Variants in NFIA observed in about 807,000 individuals in gnomAD.
NFIA encodes nuclear factor 1 A-type.
Under a neutral mutation model 62.8 loss-of-function variants are expected in NFIA, and 8 were observed. The observed-to-expected ratio is 0.13, with a 90% CI of 0.07 to 0.23. NFIA has a LOEUF of 0.23. NFIA is among the 10% of genes least tolerant of loss of function. NFIA has a pLI of 1.00. For synonymous variants in NFIA, 235 were observed against 238.1 expected, an observed-to-expected ratio of 0.99 and a Z score of 0.12; for missense variants, 410 against 642.1, an observed-to-expected ratio of 0.64 and a Z score of 3.91.
At chr1:61,307,950 C>G (rs1659889654) in intron 3 of NFIA, among the ~76,000 whole-genome samples, 1 of 152,156 alleles carries the variant, frequency 6.6e-6, no homozygotes, top group Non-Finnish European at 1.5e-5. Context: ...AACTGCTCCC[C>G]AGAGGACTAA....
chr1:61,081,313 A>AC (rs978550262), upstream of NFIA, among the ~76,000 whole-genome samples: 5 of 151,112 alleles, frequency 3.3e-5, no homozygotes, highest in Non-Finnish European at 7.4e-5. Flanking sequence ...CCTAAAAACC[A>AC]CCCCCCTCTT....
chr1:61,400,921 A>G (rs1339804655), intron 7 of NFIA, among the ~76,000 whole-genome samples: 1 of 152,248 alleles, frequency 6.6e-6, no homozygotes, highest in Non-Finnish European at 1.5e-5. Flanking sequence ...GAAGAGAAAC[A>G]AAGTTAGGCA....
rs918691230 is a variant in NFIA, at chr1:61,459,189, A to T, written c.*3869A>T. The T allele has an allele frequency of 6.6e-6, 1 of 152,248 alleles. No homozygotes were observed. The highest frequency in any genetic ancestry group is 1.5e-5 in the Non-Finnish European group (1 of 68,078). 9.4% of individuals were successfully genotyped at this position (152,248 alleles called of 1,614,324 possible). ...AAGGCCCAGCCCTTGACTCTGAGAC[A>T]CATTTGAATTTTTTCTTTCCCATCA... On this transcript the variant is annotated 3_prime_UTR_variant, in exon 11 of 11. Coordinates refer to ENST00000403491, the MANE Select transcript of NFIA (RefSeq NM_001134673.4).
chr1:61,166,447 C>A (rs1378854945), intron 2 of NFIA, among the ~76,000 whole-genome samples: 1 of 152,138 alleles, frequency 6.6e-6, no homozygotes, highest in Non-Finnish European at 1.5e-5. Flanking sequence ...ATCAGAAGAT[C>A]CACCCACACT....
chr1:61,241,258 C>T (rs1008147843), intron 2 of NFIA, among the ~76,000 whole-genome samples: 2 of 152,060 alleles, frequency 1.3e-5, no homozygotes, highest in Admixed American at 1.3e-4. Flanking sequence ...CTTATACCTT[C>T]CACTTTCCTA....
At position 61,420,387 on chromosome 1, in the gene NFIA, TTAAATAGCATGACAGTGCAGTTAAAAG is replaced by T. The variant is rs1235183772; in HGVS notation, c.1421-6077_1421-6051del. The stretch of plus-strand genomic sequence containing the variant: ...TTTTCTCACAGGACCTTTTTTTTTT[TTAAATAGCATGACAGTGCAGTTAAAAG>T]ATTCGGGACATTATTTCAATGAGGT... On this transcript the variant is annotated intron_variant, in intron 9 of 10. Transcript: ENST00000403491. Among the ~76,000 whole-genome samples, 4 of 152,164 alleles carry T rather than the reference TTAAATAGCATGACAGTGCAGTTAAAAG, an allele frequency of 2.6e-5. No homozygotes were observed. In the South Asian group the frequency reaches 6.2e-4, roughly 24 times the overall value.
At chr1:61,152,376 A>G (rs1012643815) in intron 2 of NFIA, among the ~76,000 whole-genome samples, 15 of 152,152 alleles carry the variant, frequency 9.9e-5, no homozygotes, top group African/African-American at 3.6e-4. Flanking sequence ...TGCTTTTTCA[A>G]ACAGTGTACT....
At chr1:61,363,948 AT>A (rs35401343) in intron 6 of NFIA, among the ~76,000 whole-genome samples, 35 of 142,574 alleles carry the variant, frequency 2.5e-4, no homozygotes, top group Middle Eastern at 3.6e-3. Context: ...TGCATCTACT[AT>A]TTTTTTTTTT....
rs1301201321 is a variant in NFIA, at chr1:61,461,954, A to T, written c.*6634A>T. 1 of 143,876 alleles carries T rather than the reference A, an allele frequency of 7.0e-6. No individual in the cohort carries two copies. The highest frequency in any genetic ancestry group is 1.5e-5 in the Non-Finnish European group (1 of 65,778). 8.9% of individuals were successfully genotyped at this position (143,876 alleles called of 1,614,324 possible). The stretch of plus-strand genomic sequence containing the variant: ...GAAAAAAGCTTTTATTTTTCCTTTG[A>T]CTTATTTGTGTTGTTCTTATTTTTT... On this transcript the variant is annotated 3_prime_UTR_variant, in exon 11 of 11. Coordinates refer to ENST00000403491, the MANE Select transcript of NFIA (RefSeq NM_001134673.4).
At chr1:61,344,802 A>G (rs1662126326) in intron 4 of NFIA, among the ~76,000 whole-genome samples, 1 of 152,220 alleles carries the variant, frequency 6.6e-6, no homozygotes, top group Non-Finnish European at 1.5e-5. Context: ...GAAACTTAGC[A>G]CACTGTAATC....
intron 3 of NFIA, among the ~76,000 whole-genome samples, chr1:61,305,919 C>G (rs1260828392): frequency 2.0e-5 from 3 of 149,762 alleles, no homozygotes; most frequent in African/African-American, 7.4e-5. Context: ...GTGATCTTGG[C>G]TCAGTACAAG....
At chr1:61,450,796 C>G (rs1345676428) in intron 10 of NFIA, among the ~76,000 whole-genome samples, 1 of 152,176 alleles carries the variant, frequency 6.6e-6, no homozygotes, top group Non-Finnish European at 1.5e-5. Context: ...CCACTCTGCC[C>G]TCTGCCCCTG....
intron 10 of NFIA, among the ~76,000 whole-genome samples, chr1:61,447,287 A>G (rs1667853938): frequency 6.6e-6 from 1 of 152,174 alleles, no homozygotes; most frequent in Non-Finnish European, 1.5e-5. Context: ...CAGCTTTTTT[A>G]TGGCTAACTT....
chr1:61,213,611 A>G (rs332818), intron 2 of NFIA, among the ~76,000 whole-genome samples: 86,824 of 152,040 alleles, frequency 0.57, 27,584 homozygotes, highest in African/African-American at 0.85. Context: ...TCCCAGGATA[A>G]AATGCCCTTG....
chr1:61,346,749 C>T (rs994649801), intron 4 of NFIA, among the ~76,000 whole-genome samples: 11 of 152,106 alleles, frequency 7.2e-5, no homozygotes, highest in South Asian at 4.1e-4. Flanking sequence ...TGTGTTAGTC[C>T]GTTCTCATGC....
chr1:61,121,880 C>T (rs1646893073), intron 2 of NFIA, among the ~76,000 whole-genome samples: 1 of 152,086 alleles, frequency 6.6e-6, no homozygotes, highest in African/African-American at 2.4e-5. Context: ...GTCAGCTCAA[C>T]TTGTGTCATT....
intron 2 of NFIA, among the ~76,000 whole-genome samples, chr1:61,150,714 G>A (rs1055467814): frequency 2.6e-5 from 4 of 152,144 alleles, no homozygotes; most frequent in Admixed American, 6.6e-5. Context: ...TGTCTGAAGC[G>A]CCTGCTTTCT....
At chr1:61,080,401 C>T (rs1425157378), upstream of NFIA, among the ~76,000 whole-genome samples, 2 of 151,866 alleles carry the variant, frequency 1.3e-5, no homozygotes. Context: ...TGAAGTGTAT[C>T]TTTTAATACA....
chr1:61,331,118 A>G (rs959009363), intron 3 of NFIA, among the ~76,000 whole-genome samples: 11 of 152,160 alleles, frequency 7.2e-5, no homozygotes, highest in African/African-American at 2.7e-4. Flanking sequence ...AAATTTCTTG[A>G]GCACTTTGAT....
Sources: gnomAD v4.1 joint callset for allele counts (sites outside exome capture counted in the v4.1 genomes callset) on GRCh38, gnomAD v4.1.1 for gene constraint, MANE v1.5 for transcripts, NCBI Gene and HGNC (gene_info 2026-07-23, HGNC 2026-07-21) for gene names.